The following XDH variants were observed in gnomAD, a reference collection of about 807,000 sequenced individuals.
The protein encoded by XDH is xanthine dehydrogenase.
Under a neutral mutation model 156.1 loss-of-function variants are expected in XDH, and 138 were observed. The observed-to-expected ratio is 0.88, with a 90% CI of 0.77 to 1.02. The LOEUF is 1.02. Among genes scored for constraint, XDH ranks in the 50% least tolerant of loss-of-function variants. XDH has a pLI of 0.00. For missense variants in XDH, 1,849 were observed against 1,684.9 expected (o/e 1.10, Z -1.71); for synonymous variants, 669 against 625.7 (o/e 1.07, Z -1.03).
intron 20 of XDH, 70 bp downstream of exon 20, chr2:31,367,891 T>A: frequency 7.1e-7 from 1 of 1,417,440 alleles, no homozygotes; most frequent in Admixed American, 1.7e-5. Context: ...CAGGGTTCAA[T>A]GCATATCTCT....
At chr2:31,402,266 T>C (rs1161734228) in intron 3 of XDH, among the ~76,000 whole-genome samples, 1 of 152,244 alleles carries the variant, frequency 6.6e-6, no homozygotes, top group Non-Finnish European at 1.5e-5. Context: ...AATTGTATAA[T>C]TGTAACCAAT....
At position 31,405,896 on chromosome 2, in the gene XDH, AG is replaced by A; in HGVS notation, c.100+10del. On this transcript the variant is annotated intron_variant, in intron 2 of 35. Transcript: ENST00000379416. Reference sequence around the variant, plus strand: ...CCCTTCTCCGTCACTCCCACTCCAAAGTCAGGATACACTTTCTTCTCAGGTA... The same window carrying A: ...CCCTTCTCCGTCACTCCCACTCCAAATCAGGATACACTTTCTTCTCAGGTA... 1 of 1,614,080 alleles carries A rather than the reference AG, an allele frequency of 6.2e-7. No homozygotes were observed. The highest frequency in any genetic ancestry group is 1.1e-5 in the South Asian group (1 of 91,074).
chr2:31,378,112 AAGGAAGGAAGGAAGGAAGG>A (rs1558696669), intron 13 of XDH, among the ~76,000 whole-genome samples: 89 of 31,752 alleles, frequency 2.8e-3, no homozygotes, highest in Non-Finnish European at 4.3e-3. Context: ...GAAAGAAAGG[AAGGAAGGAAGGAAGGAAGG>A]AAGGAAGGAA....
Position 31,348,346 on chromosome 2 carries a change from A to G in XDH, c.3069T>C (p.His1023=). The G allele has an allele frequency of 6.2e-7, 1 of 1,614,168 alleles. No homozygotes were observed. Among genetic ancestry groups the G allele is most frequent in the African/African-American group, 1.3e-5 (1 of 75,050 alleles). ...PFLNQAGALL[H]VYTDGSVLLT... ...GCAGCACAGAGCCATCTGTGTACAC[A>G]TGAAGTAGGGCTCCTGCCTAGGGAA... Residue 1023 remains histidine, a synonymous_variant, in exon 28 of 36, where the codon CAT becomes CAC. Transcript: ENST00000379416.
chr2:31,363,269 C>T (rs942678682), intron 24 of XDH, among the ~76,000 whole-genome samples: 1 of 152,306 alleles, frequency 6.6e-6, no homozygotes, highest in South Asian at 2.1e-4. Context: ...CAAGATCGTG[C>T]CACTGCACTC....
intron 31 of XDH, among the ~76,000 whole-genome samples, chr2:31,343,823 T>TATAA (rs1196628592): frequency 2.7e-5 from 4 of 150,712 alleles, no homozygotes; most frequent in Non-Finnish European, 5.9e-5. Context: ...GCCTAACATA[T>TATAA]ATATGTTCAT....
chr2:31,360,577 CG>C (rs1474345818), intron 24 of XDH, among the ~76,000 whole-genome samples: 2 of 152,154 alleles, frequency 1.3e-5, no homozygotes, highest in African/African-American at 4.8e-5. Flanking sequence ...CTGTCCTGTG[CG>C]GGATGTGAAT....
At chr2:31,337,872 A>G (rs1685010307) in intron 34 of XDH, 55 bp from the exon 35 acceptor site, 3 of 1,586,052 alleles carry the variant, frequency 1.9e-6, no homozygotes, top group African/African-American at 2.7e-5. Flanking sequence ...CTGCCTCCAC[A>G]TCATCAAGTG....
chr2:31,339,501 G>C lies in XDH; in HGVS notation c.3762C>G (p.Ile1254Met), dbSNP rs754297295. ...LLRDCPNKKA[I>M]YASKAVGEPP... ...AGAGCAATGGTACCTTCGATGCATA[G>C]ATGGCCTTCTTGTTGGGGCAGTCGC... Residue 1254 changes from isoleucine (I) to methionine (M), a missense_variant, in exon 34 of 36, where the codon ATC (isoleucine) becomes ATG (methionine). Ile to Met is a conservative substitution (Grantham distance 10, BLOSUM62 1). Transcript: ENST00000379416. The C allele has an allele frequency of 6.2e-7, 1 of 1,614,152 alleles. No homozygotes were observed. Among genetic ancestry groups the C allele is most frequent in the Admixed American group, 1.7e-5 (1 of 60,024 alleles).
intron 27 of XDH, 148 bp downstream of exon 27, chr2:31,348,751 G>T: frequency 1.4e-6 from 1 of 738,956 alleles, no homozygotes; most frequent in Non-Finnish European, 2.4e-6. Context: ...ATAGGACTGT[G>T]CAAGTTCGAC....
At chr2:31,393,743 T>A (rs1250799532) in intron 6 of XDH, among the ~76,000 whole-genome samples, 6 of 152,006 alleles carry the variant, frequency 3.9e-5, no homozygotes, top group African/African-American at 1.4e-4. Flanking sequence ...GAACTGAGCA[T>A]TATATATAAT....
At position 31,366,995 on chromosome 2, in the gene XDH, C is replaced by A; in HGVS notation, c.2198-1G>T. On this transcript the variant is annotated splice_acceptor_variant, in intron 20 of 35. Coordinates refer to ENST00000379416, the MANE Select transcript of XDH (RefSeq NM_000379.4). LOFTEE classifies it high-confidence loss of function. ...TCTTGGCCACCGATGTATATCTCCC[C>A]TGGGGAAGCAGTGAGATCCCTCACA... 1.9e-6 allele frequency: 3 copies of A among 1,614,154 alleles called. No homozygotes were observed. The highest frequency in any genetic ancestry group is 2.2e-5 in the South Asian group (2 of 91,090).
Position 31,375,515 on chromosome 2 carries a change from T to C in XDH, c.1467A>G (p.Gly489=). ...GAGGCAGATGCAGCTCCTCTGCCAG[T>C]CCTGCACACACGTCCTGCAGCAGCT... ...KEELLQDVCA[G]LAEELHLPPD... is the part of the protein sequence containing the mutation. The change falls in exon 15 of 36, where the codon GGA becomes GGG. Residue 489 remains glycine (G), a synonymous_variant. Coordinates refer to ENST00000379416, the MANE Select transcript of XDH (RefSeq NM_000379.4). 1 of 1,613,974 alleles carries C rather than the reference T, an allele frequency of 6.2e-7. No individual in the cohort carries two copies. The highest frequency in any genetic ancestry group is 8.5e-7 in the Non-Finnish European group (1 of 1,180,026).
chr2:31,345,398 T>C (rs1406162923), intron 30 of XDH, among the ~76,000 whole-genome samples: 1 of 152,220 alleles, frequency 6.6e-6, no homozygotes, highest in Non-Finnish European at 1.5e-5. Flanking sequence ...CCCTCCATCC[T>C]ATCCCTTGGA....
intron 35 of XDH, among the ~76,000 whole-genome samples, chr2:31,337,361 G>A (rs113120560): frequency 6.6e-6 from 1 of 152,082 alleles, no homozygotes; most frequent in Non-Finnish European, 1.5e-5. Flanking sequence ...TATCTAGATG[G>A]AAAATAATAA....
intron 6 of XDH, among the ~76,000 whole-genome samples, chr2:31,392,730 G>A (rs563407871): frequency 2.0e-5 from 3 of 152,228 alleles, no homozygotes; most frequent in East Asian, 3.9e-4. Context: ...GTGGATTATT[G>A]ATTTTTAATC....
At chr2:31,373,233 A>C (rs1572539887) in intron 16 of XDH, among the ~76,000 whole-genome samples, 1 of 152,242 alleles carries the variant, frequency 6.6e-6, no homozygotes, top group East Asian at 1.9e-4. Flanking sequence ...GTGTGGACAC[A>C]AATTCAGGCA....
chr2:31,377,007 G>C, intron 14 of XDH, 46 bp downstream of exon 14: 3 of 1,607,218 alleles, frequency 1.9e-6, no homozygotes, highest in Non-Finnish European at 2.6e-6. Flanking sequence ...GATACTATTA[G>C]TAGCAGCAAC....
At chr2:31,370,514 A>C in intron 17 of XDH, 36 bp from the exon 18 acceptor site, 1 of 1,613,122 alleles carries the variant, frequency 6.2e-7, no homozygotes, top group South Asian at 1.1e-5. Flanking sequence ...CCAGGTCAGC[A>C]AGCTGGAGCA....
Sources: allele counts gnomAD v4.1 joint callset (sites outside exome capture counted in the v4.1 genomes callset), GRCh38; gene constraint gnomAD v4.1.1; transcripts MANE v1.5; gene names NCBI Gene and HGNC (gene_info 2026-07-23, HGNC 2026-07-21).